Variants in ADI1 observed in about 807,000 individuals in gnomAD.
ADI1 encodes acireductone dioxygenase 1.
In ADI1, 21 loss-of-function variants were observed where a neutral mutation model predicts 18.7. The ratio of observed to expected loss-of-function variants is 1.13; its 90% CI spans 0.80 to 1.62. The LOEUF (loss-of-function observed/expected upper bound fraction) is 1.62, where lower values mean the gene tolerates loss of function less well. Ranked by LOEUF, ADI1 falls within the 40% of genes most tolerant of loss-of-function variation. The probability of loss-of-function intolerance (pLI) is 0.00; values close to 1 mark genes in which losing one functional copy is unlikely to be tolerated. For missense variants in ADI1, 245 were observed against 254.9 expected (o/e 0.96, Z 0.26); for synonymous variants, 90 against 100.1 (o/e 0.90, Z 0.60).
chr2:3,504,887 C>T (rs535594289), intron 2 of ADI1, among the ~76,000 whole-genome samples: 8 of 150,226 alleles, frequency 5.3e-5, no homozygotes, highest in South Asian at 4.2e-4. Context: ...GGTTCACCTG[C>T]GTATGTTTGC....
At chr2:3,516,614 A>T in intron 1 of ADI1, 2 of 613,720 alleles carry the variant, frequency 3.3e-6, no homozygotes, top group Non-Finnish European at 4.1e-6. Context: ...CTGGCACCTT[A>T]ATCTTGGACT....
chr2:3,516,642 A>C (rs1667415770), intron 1 of ADI1: 7 of 810,098 alleles, frequency 8.6e-6, no homozygotes, highest in African/African-American at 1.9e-5. Flanking sequence ...CTCTAGAACT[A>C]TAAGAATTCT....
At chr2:3,505,311 A>G (rs1006083717) in intron 2 of ADI1, among the ~76,000 whole-genome samples, 1 of 152,236 alleles carries the variant, frequency 6.6e-6, no homozygotes, top group African/African-American at 2.4e-5. Context: ...AGAAAGATCC[A>G]CACCTAACCA....
At chr2:3,512,395 A>T (rs1157506352) in intron 2 of ADI1, among the ~76,000 whole-genome samples, 2 of 152,226 alleles carry the variant, frequency 1.3e-5, no homozygotes, top group Non-Finnish European at 2.9e-5. Flanking sequence ...CCAGAGGTCT[A>T]AAAGGAGAGA....
At chr2:3,500,021 A>G (rs1247463982) in intron 3 of ADI1, among the ~76,000 whole-genome samples, 1 of 151,844 alleles carries the variant, frequency 6.6e-6, no homozygotes, top group Non-Finnish European at 1.5e-5. Context: ...GCCGAGATCA[A>G]GCCACTACAT....
chr2:3,500,887 CG>C lies in ADI1; in HGVS notation c.346del (p.Arg116GlyfsTer10). The C allele has an allele frequency of 6.2e-7, 1 of 1,614,238 alleles. No homozygotes were observed. Among genetic ancestry groups the C allele is most frequent in the Non-Finnish European group, 8.5e-7 (1 of 1,180,032 alleles). On this transcript the variant is annotated frameshift_variant, in exon 3 of 4. Transcript: ENST00000327435. LOFTEE classifies it high-confidence loss of function. ...CATGTCTCCCTTCTCCATGAAGATC[CG>C]GATCCACTGGTCCTCCTTGTCCCTC... ...DVRDKEDQWI[R>X]IFMEKGDMVT...
chr2:3,518,113 G>A (rs575484940), intron 1 of ADI1, among the ~76,000 whole-genome samples: 11 of 152,294 alleles, frequency 7.2e-5, no homozygotes, highest in Admixed American at 2.6e-4. Flanking sequence ...CCACTTGATT[G>A]CTTTGAAGAA....
intron 3 of ADI1, 169 bp downstream of exon 3, chr2:3,500,645 T>C (rs887493919): frequency 6.8e-6 from 6 of 879,912 alleles, no homozygotes; most frequent in South Asian, 1.6e-5. Flanking sequence ...AGCTGTCACC[T>C]CGGACATCGC....
intron 2 of ADI1, among the ~76,000 whole-genome samples, chr2:3,508,143 G>A (rs1667215179): frequency 6.6e-6 from 1 of 151,990 alleles, no homozygotes; most frequent in South Asian, 2.1e-4. Context: ...GACCATCCTG[G>A]CTAACACAGT....
chr2:3,508,334 C>CCAAAAAAAAAAA (rs1238564378), intron 2 of ADI1, among the ~76,000 whole-genome samples: 1 of 26,922 alleles, frequency 3.7e-5, no homozygotes, highest in African/African-American at 8.2e-5. Flanking sequence ...GACTCTGTCT[C>CCAAAAAAAAAAA]AAAAAAAAAA....
rs947278108 is a variant in ADI1 at position 3,500,473 on chromosome 2, T to TG, written c.420+340dup. ...CGGGCTGGGGTGACAACCCTAGAGATGCCTCACCGCCAAGCAAGGGCTGGG... is the reference window on the plus strand; with the variant it reads ...CGGGCTGGGGTGACAACCCTAGAGATGGCCTCACCGCCAAGCAAGGGCTGGG... On this transcript the variant is annotated intron_variant, in intron 3 of 3. Transcript: ENST00000327435. 639 of 197,504 alleles carry TG rather than the reference T, an allele frequency of 3.2e-3. 2 individuals are homozygous for TG. The African/African-American group carries it at 0.1, about 32-fold the overall frequency. 12.2% of individuals were successfully genotyped at this position (197,504 alleles called of 1,614,324 possible).
intron 1 of ADI1, among the ~76,000 whole-genome samples, chr2:3,518,174 A>G (rs1424961632): frequency 2.0e-5 from 3 of 152,248 alleles, no homozygotes; most frequent in Admixed American, 1.3e-4. Context: ...AAAGACAAAT[A>G]CTATGTAAAC....
intron 1 of ADI1, chr2:3,515,452 CCT>C (rs1383830150): frequency 9.3e-6 from 1 of 107,944 alleles, no homozygotes; most frequent in African/African-American, 2.5e-5. Flanking sequence ...GCTCTCGAAC[CCT>C]GTTTTCTGTT....
chr2:3,503,131 C>T (rs1285565546), intron 2 of ADI1, among the ~76,000 whole-genome samples: 1 of 151,706 alleles, frequency 6.6e-6, no homozygotes, highest in African/African-American at 2.4e-5. Flanking sequence ...ACACACAAAC[C>T]TACACACGCA....
chr2:3,501,072 G>C, intron 2 of ADI1, 79 bp from the exon 3 acceptor site: 1 of 1,346,608 alleles, frequency 7.4e-7, no homozygotes, highest in Non-Finnish European at 1.0e-6. Flanking sequence ...AGCAGCCTGA[G>C]CCTTTGGTGG....
intron 2 of ADI1, among the ~76,000 whole-genome samples, chr2:3,508,358 A>AAAAC (rs1667221414): frequency 6.8e-6 from 1 of 146,642 alleles, no homozygotes; most frequent in African/African-American, 2.5e-5. Flanking sequence ...AAAAAAAAAA[A>AAAAC]AACAATAACA....
intron 2 of ADI1, among the ~76,000 whole-genome samples, chr2:3,513,527 T>G (rs898842323): frequency 2.0e-5 from 3 of 152,150 alleles, no homozygotes; most frequent in Non-Finnish European, 4.4e-5. Context: ...ATCTGGTCAT[T>G]TAAAACAGTG....
rs1302334871 is a variant in ADI1 at position 3,519,497 on chromosome 2, T to C, written c.-10A>G. On this transcript the variant is annotated 5_prime_UTR_variant, in exon 1 of 4. Coordinates refer to ENST00000327435, the MANE Select transcript of ADI1 (RefSeq NM_018269.4). ...ACCAGGCCTGCACCATGACGCGCAG[T>C]GCGGGTGCCGTGTTCGAACCCAGGG... is the stretch of plus-strand genomic sequence containing the variant. 10 of 1,279,308 alleles carry C rather than the reference T, an allele frequency of 7.8e-6. No homozygotes were observed. Among genetic ancestry groups the C allele is most frequent in the African/African-American group, 1.5e-5 (1 of 64,894 alleles). 79.2% of individuals were successfully genotyped at this position (1,279,308 alleles called of 1,614,324 possible).
chr2:3,499,297 T>TA (rs1666941136), intron 3 of ADI1, among the ~76,000 whole-genome samples: 1 of 152,194 alleles, frequency 6.6e-6, no homozygotes, highest in African/African-American at 2.4e-5. Flanking sequence ...ACGTGCCAGG[T>TA]AAGAGCATCT....
Sources: gnomAD v4.1 joint callset for allele counts (sites outside exome capture counted in the v4.1 genomes callset) on GRCh38, gnomAD v4.1.1 for gene constraint, MANE v1.5 for transcripts, NCBI Gene and HGNC (gene_info 2026-07-23, HGNC 2026-07-21) for gene names.